Variants in ORC4 observed in about 807,000 individuals in gnomAD.
ORC4 encodes origin recognition complex, subunit 4 homolog.
Under a neutral mutation model 63.9 loss-of-function variants are expected in ORC4, and 55 were observed. The observed-to-expected ratio is 0.86, with a 90% CI of 0.69 to 1.08. The LOEUF (loss-of-function observed/expected upper bound fraction) is 1.08, where lower values mean the gene tolerates loss of function less well. ORC4 is among the 50% of genes least tolerant of loss of function. The pLI is 0.00. For missense variants in ORC4, 511 were observed against 504.4 expected, an observed-to-expected ratio of 1.01 and a Z score of -0.13; for synonymous variants, 150 against 168.5, an observed-to-expected ratio of 0.89 and a Z score of 0.85.
intron 1 of ORC4, among the ~76,000 whole-genome samples, chr2:147,997,171 C>G (rs2105421194): frequency 6.6e-6 from 1 of 152,162 alleles, no homozygotes; most frequent in South Asian, 2.1e-4. Flanking sequence ...TGTATGTTTC[C>G]AACTATATGA....
chr2:148,021,463 T>TTGC (rs569896406), upstream of ORC4: 104 of 573,880 alleles, frequency 1.8e-4, no homozygotes, highest in South Asian at 1.3e-3. Context: ...GCTGCTGCTG[T>TTGC]TGCTGCTGCT....
rs2105286599 is a variant in ORC4 at position 147,948,303 on chromosome 2, A to G, written c.589-79T>C. 4 of 877,068 alleles carry G rather than the reference A, an allele frequency of 4.6e-6. No homozygotes were observed. In the South Asian group the frequency reaches 6.0e-5, roughly 13 times the overall value. The allele number at this position is 877,068 out of a possible 1,614,324, so 54.3% of individuals were successfully genotyped here. A position where few individuals can be genotyped will look rare whatever the true frequency, so the allele number is the denominator to read the frequency against. On this transcript the variant is annotated intron_variant, in intron 8 of 13. Transcript: ENST00000392857. ...AAAACACTGTACCAATGTTAGAGGT[A>G]TAAGTAAACTATCACCTATAATTAG...
rs908081242 is a variant in ORC4 at position 147,932,240 on chromosome 2, A to C, written c.*3270T>G. On this transcript the variant is annotated 3_prime_UTR_variant, in exon 14 of 14. Coordinates refer to ENST00000392857, the MANE Select transcript of ORC4 (RefSeq NM_181741.4). The stretch of plus-strand genomic sequence containing the variant: ...AGAGAATAAAATACCTAGGAATCCA[A>C]CTTACAAGGGATGTGAAGGACCTCT... 6.6e-6 allele frequency: 1 copy of C among 151,860 alleles called. No individual in the cohort carries two copies. The highest frequency in any genetic ancestry group is 2.4e-5 in the African/African-American group (1 of 41,282). 9.4% of individuals were successfully genotyped at this position (151,860 alleles called of 1,614,324 possible).
At chr2:147,964,707 A>T (rs1229182860) in intron 4 of ORC4, among the ~76,000 whole-genome samples, 1 of 152,230 alleles carries the variant, frequency 6.6e-6, no homozygotes. Context: ...AGTCACTATA[A>T]GGGAATCCCT....
intron 4 of ORC4, 148 bp from the exon 5 acceptor site, chr2:147,959,014 T>A (rs1196452723): frequency 1.8e-6 from 1 of 549,870 alleles, no homozygotes; most frequent in Non-Finnish European, 3.3e-6. Flanking sequence ...GATAAAAGGT[T>A]TAACTAGAAC....
At chr2:147,940,405 G>A (rs1000443083) in intron 10 of ORC4, among the ~76,000 whole-genome samples, 3 of 152,042 alleles carry the variant, frequency 2.0e-5, no homozygotes, top group Non-Finnish European at 4.4e-5. Flanking sequence ...TCCCACTACA[G>A]GGCATCTACC....
intron 1 of ORC4, among the ~76,000 whole-genome samples, chr2:147,996,482 TA>T (rs1274217247): frequency 2.6e-5 from 4 of 152,166 alleles, no homozygotes; most frequent in Non-Finnish European, 4.4e-5. Context: ...CAAATGGCAC[TA>T]CTAAGAAAAT....
At chr2:147,973,916 A>G (rs1006584364) in intron 2 of ORC4, among the ~76,000 whole-genome samples, 1 of 152,206 alleles carries the variant, frequency 6.6e-6, no homozygotes, top group Non-Finnish European at 1.5e-5. Context: ...ATGTCAGATA[A>G]TCTACCATAC....
intron 1 of ORC4, among the ~76,000 whole-genome samples, chr2:148,002,802 C>CA (rs1185190853): frequency 1.3e-5 from 2 of 151,898 alleles, no homozygotes; most frequent in African/African-American, 2.4e-5. Context: ...AAAACCCCCT[C>CA]AAAAAAATAA....
At chr2:147,978,012 G>C (rs561907240) in intron 1 of ORC4, among the ~76,000 whole-genome samples, 15 of 152,324 alleles carry the variant, frequency 9.8e-5, no homozygotes, top group African/African-American at 3.6e-4. Flanking sequence ...GCTGTATTGA[G>C]AGGGGCTGGA....
At chr2:148,002,973 C>CT (rs1275932386) in intron 1 of ORC4, among the ~76,000 whole-genome samples, 2 of 152,162 alleles carry the variant, frequency 1.3e-5, no homozygotes, top group Non-Finnish European at 2.9e-5. Flanking sequence ...TCAGAGAATA[C>CT]TATAAACACT....
rs1269930827 is a variant in ORC4 at position 147,935,424 on chromosome 2, T to C, written c.*86A>G. The stretch of plus-strand genomic sequence containing the variant: ...TAAATACAAGAATGTTTATAGAATG[T>C]TTAGCATATCATGTTAATGGACAAT... On this transcript the variant is annotated 3_prime_UTR_variant, in exon 14 of 14. Transcript: ENST00000392857. The C allele has an allele frequency of 3.1e-6, 3 of 980,700 alleles. No homozygotes were observed. The highest frequency in any genetic ancestry group is 3.2e-5 in the African/African-American group (2 of 63,074). 60.7% of individuals were successfully genotyped at this position (980,700 alleles called of 1,614,324 possible). A position where few individuals can be genotyped will look rare whatever the true frequency, so the allele number is the denominator to read the frequency against.
intron 8 of ORC4, 61 bp downstream of exon 8, chr2:147,952,312 G>T: frequency 8.0e-7 from 1 of 1,256,790 alleles, no homozygotes; most frequent in Non-Finnish European, 1.1e-6. Flanking sequence ...AGCAGTGTCA[G>T]CAATTAAGCT....
intron 1 of ORC4, among the ~76,000 whole-genome samples, chr2:148,004,949 C>G (rs899320900): frequency 6.6e-6 from 1 of 152,180 alleles, no homozygotes; most frequent in Non-Finnish European, 1.5e-5. Context: ...CGCTTTTACA[C>G]TGTTGGTGGG....
At chr2:147,946,130 G>A (rs1157472916) in intron 9 of ORC4, among the ~76,000 whole-genome samples, 2 of 152,094 alleles carry the variant, frequency 1.3e-5, no homozygotes, top group Non-Finnish European at 1.5e-5. Flanking sequence ...TCTAAGTCAC[G>A]CAGTTATACT....
At chr2:147,959,011 G>GTTTA (rs1205350371) in intron 4 of ORC4, 145 bp from the exon 5 acceptor site, 1 of 546,284 alleles carries the variant, frequency 1.8e-6, no homozygotes, top group East Asian at 3.1e-5. Flanking sequence ...ACAGATAAAA[G>GTTTA]GTTTAACTAG....
chr2:148,012,670 T>C (rs894179990), intron 1 of ORC4, among the ~76,000 whole-genome samples: 4 of 151,962 alleles, frequency 2.6e-5, no homozygotes, highest in Non-Finnish European at 5.9e-5. Flanking sequence ...ACATGTAGAA[T>C]GGGAGAAAAT....
upstream of ORC4, chr2:148,021,492 GCTGCTA>G (rs1053396305): frequency 1.7e-6 from 1 of 576,326 alleles, no homozygotes; most frequent in Admixed American, 2.2e-5. Flanking sequence ...TGCTGCTGCT[GCTGCTA>G]CTGCTGCTGC....
At chr2:147,947,950 A>C in intron 9 of ORC4, 101 bp downstream of exon 9, 1 of 918,658 alleles carries the variant, frequency 1.1e-6, no homozygotes. Context: ...CTTCAGCAAT[A>C]TTAGAAACTT....
Sources: allele counts gnomAD v4.1 joint callset (sites outside exome capture counted in the v4.1 genomes callset), GRCh38; gene constraint gnomAD v4.1.1; transcripts MANE v1.5; gene names NCBI Gene and HGNC (gene_info 2026-07-23, HGNC 2026-07-21).